Variants in CTNNA2 observed in about 807,000 individuals in gnomAD.
CTNNA2 encodes the protein catenin alpha-2.
CTNNA2 carries 42 observed loss-of-function variants against 101.0 expected under a neutral mutation model. That is an observed-to-expected ratio of 0.42 (90% CI 0.32 to 0.54). The LOEUF is 0.54. CTNNA2 is among the 20% of genes least tolerant of loss of function. The pLI, the probability that CTNNA2 is intolerant of heterozygous loss-of-function variation, is 0.14. For missense variants in CTNNA2, 871 were observed against 1,223.1 expected, an observed-to-expected ratio of 0.71 and a Z score of 4.29; for synonymous variants, 450 against 456.4, an observed-to-expected ratio of 0.99 and a Z score of 0.18.
At chr2:79,191,589 T>C (rs1194548419) in intron 1 of CTNNA2, among the ~76,000 whole-genome samples, 1 of 152,160 alleles carries the variant, frequency 6.6e-6, no homozygotes, top group Admixed American at 6.5e-5. Context: ...ACAAAATCTA[T>C]AAATTTGGAA....
chr2:79,757,247 G>A (rs1672461852), intron 3 of CTNNA2, among the ~76,000 whole-genome samples: 1 of 142,094 alleles, frequency 7.0e-6, no homozygotes, highest in African/African-American at 2.7e-5. Flanking sequence ...ATTATTAACT[G>A]AGCAGAGCAT....
intron 3 of CTNNA2, among the ~76,000 whole-genome samples, chr2:79,346,488 C>G (rs56164216): frequency 0.11 from 16,304 of 152,156 alleles, 1,106 homozygotes; most frequent in East Asian, 0.34. Flanking sequence ...CCAGTCAACC[C>G]TGTATGTCCT....
At chr2:80,027,303 CA>C (rs917552944) in intron 7 of CTNNA2, among the ~76,000 whole-genome samples, 13 of 152,056 alleles carry the variant, frequency 8.5e-5, no homozygotes, top group African/African-American at 3.1e-4. Context: ...AAAGAACAGA[CA>C]AAAAAACCGC....
intron 7 of CTNNA2, among the ~76,000 whole-genome samples, chr2:79,997,402 G>T (rs1414241449): frequency 6.6e-6 from 1 of 151,754 alleles, no homozygotes; most frequent in African/African-American, 2.4e-5. Flanking sequence ...GGAAAGGAAA[G>T]GAAAGAGGAA....
At chr2:80,352,149 T>G (rs1308740712) in intron 7 of CTNNA2, among the ~76,000 whole-genome samples, 2 of 152,132 alleles carry the variant, frequency 1.3e-5, no homozygotes, top group Non-Finnish European at 2.9e-5. Flanking sequence ...AATCCAGCTT[T>G]CAAGTAATAT....
At chr2:80,379,890 A>G (rs931190232) in intron 7 of CTNNA2, among the ~76,000 whole-genome samples, 1 of 152,116 alleles carries the variant, frequency 6.6e-6, no homozygotes, top group African/African-American at 2.4e-5. Flanking sequence ...TATTGAGTCT[A>G]AGACTCTCCT....
intron 7 of CTNNA2, among the ~76,000 whole-genome samples, chr2:80,123,623 T>C (rs1363492212): frequency 1.3e-5 from 2 of 152,200 alleles, no homozygotes; most frequent in African/African-American, 2.4e-5. Context: ...CTGACTTTCC[T>C]ATTTCTTGTT....
intron 7 of CTNNA2, among the ~76,000 whole-genome samples, chr2:80,142,926 A>G (rs1356188878): frequency 6.8e-6 from 1 of 146,728 alleles, no homozygotes; most frequent in African/African-American, 2.6e-5. Flanking sequence ...AATGCCTCAT[A>G]ATGATAAGTG....
At chr2:79,649,924 G>A (rs979400611) in intron 1 of CTNNA2, among the ~76,000 whole-genome samples, 2 of 152,030 alleles carry the variant, frequency 1.3e-5, no homozygotes, top group African/African-American at 2.4e-5. Flanking sequence ...ATTGTGATAG[G>A]CCTTCTTTGT....
chr2:80,455,183 T>G (rs147243680), intron 9 of CTNNA2, among the ~76,000 whole-genome samples: 1,982 of 152,332 alleles, frequency 0.013, 43 homozygotes, highest in African/African-American at 0.045. Flanking sequence ...GCAGCCTTTT[T>G]GTACCTATAA....
intron 7 of CTNNA2, among the ~76,000 whole-genome samples, chr2:80,055,823 A>G (rs1697181155): frequency 6.6e-6 from 1 of 152,116 alleles, no homozygotes. Flanking sequence ...CCTTCAGTGC[A>G]GCTGACTAAG....
At chr2:80,368,863 G>A (rs1342548638) in intron 7 of CTNNA2, among the ~76,000 whole-genome samples, 2 of 124,866 alleles carry the variant, frequency 1.6e-5, no homozygotes, top group East Asian at 5.8e-4. Flanking sequence ...GTGTGTGTGT[G>A]TGTGTATATA....
chr2:80,082,304 G>A (rs59712479), intron 7 of CTNNA2, among the ~76,000 whole-genome samples: 43,409 of 151,974 alleles, frequency 0.29, 6,919 homozygotes, highest in East Asian at 0.56. Context: ...ACAGACTGAG[G>A]AGGGTCAGTA....
chr2:80,233,244 G>A (rs1709358856), intron 7 of CTNNA2, among the ~76,000 whole-genome samples: 1 of 152,092 alleles, frequency 6.6e-6, no homozygotes, highest in Non-Finnish European at 1.5e-5. Flanking sequence ...GAATTATTGT[G>A]AAATAAATGT....
chr2:79,956,843 G>GTTTTTT lies in CTNNA2; in HGVS notation c.1056+47066_1056+47071dup, dbSNP rs66471325. 2.0e-3 allele frequency among the ~76,000 whole-genome samples: 198 copies of GTTTTTT among 98,876 alleles called. 11 individuals are homozygous for GTTTTTT. Among genetic ancestry groups the GTTTTTT allele is most frequent in the African/African-American group, 8.7e-3 (185 of 21,320 alleles). The allele number at this position is 98,876 out of a possible 152,430, so 64.9% of individuals were successfully genotyped here. A position where few individuals can be genotyped will look rare whatever the true frequency, so the allele number is the denominator to read the frequency against. On this transcript the variant is annotated intron_variant, in intron 7 of 18. Coordinates refer to ENST00000402739, the MANE Select transcript of CTNNA2 (RefSeq NM_001282597.3). ...TTTCATTTACTATGAATACGTGTGGGTTTTTTTTTTTTTTTTTTTTTTTTT... is the reference window on the plus strand; with the variant it reads ...TTTCATTTACTATGAATACGTGTGGGTTTTTTTTTTTTTTTTTTTTTTTTTTTTTTT...
chr2:79,903,234 A>AT (rs1290779194), intron 6 of CTNNA2, among the ~76,000 whole-genome samples: 2 of 151,700 alleles, frequency 1.3e-5, no homozygotes, highest in Non-Finnish European at 2.9e-5. Flanking sequence ...GACATTCTAC[A>AT]TTTTTCTTAA....
intron 9 of CTNNA2, among the ~76,000 whole-genome samples, chr2:80,496,480 G>A (rs1687483239): frequency 6.7e-6 from 1 of 149,874 alleles, no homozygotes; most frequent in East Asian, 2.0e-4. Flanking sequence ...AACGTGACTT[G>A]GAATTAAATC....
intron 7 of CTNNA2, among the ~76,000 whole-genome samples, chr2:80,117,455 A>AGTGTCTGT (rs1701589414): frequency 1.4e-5 from 2 of 145,882 alleles, no homozygotes; most frequent in Non-Finnish European, 3.0e-5. Flanking sequence ...TTCCTGTGTG[A>AGTGTCTGT]GTGTGTGTGT....
intron 2 of CTNNA2, among the ~76,000 whole-genome samples, chr2:79,680,386 G>C (rs1220185655): frequency 6.6e-6 from 1 of 152,110 alleles, no homozygotes; most frequent in Admixed American, 6.5e-5. Context: ...CCTCTCAGGA[G>C]GGGAGGGGAC....
Sources: allele counts gnomAD v4.1 joint callset (sites outside exome capture counted in the v4.1 genomes callset), GRCh38; gene constraint gnomAD v4.1.1; transcripts MANE v1.5; gene names NCBI Gene and HGNC (gene_info 2026-07-23, HGNC 2026-07-21).